TDRD9: variants seen among roughly 807,000 people sequenced by gnomAD.
The protein encoded by TDRD9 is ATP-dependent RNA helicase TDRD9.
A neutral mutation model predicts 172.6 loss-of-function variants in TDRD9; 124 were observed. That is an observed-to-expected ratio of 0.72 (90% CI 0.62 to 0.83). TDRD9 has a LOEUF of 0.83. Among genes scored for constraint, TDRD9 ranks in the 40% least tolerant of loss-of-function variants. TDRD9 has a pLI of 0.00. For missense variants in TDRD9, 1,479 were observed against 1,714.1 expected (o/e 0.86, Z 2.42); for synonymous variants, 619 against 617.1 (o/e 1.00, Z -0.05).
chr14:103,980,352 A>C lies in TDRD9; in HGVS notation c.1011+4799A>C, dbSNP rs1428638370. 6.6e-6 allele frequency among the ~76,000 whole-genome samples: 1 copy of C among 152,138 alleles called. No individual in the cohort carries two copies. Among genetic ancestry groups the C allele is most frequent in the African/African-American group, 2.4e-5 (1 of 41,432 alleles). Reference sequence around the variant, plus strand: ...GCCATCTCCAATGATAGGTAAGGTCATGTGGGTCACGTGTCGACTGGACAG... The same window carrying C: ...GCCATCTCCAATGATAGGTAAGGTCCTGTGGGTCACGTGTCGACTGGACAG... On this transcript the variant is annotated intron_variant, in intron 7 of 35. Transcript: ENST00000409874. The surrounding 1 kb of genome is among the most constrained non-coding windows in gnomAD (Gnocchi z 4.5).
Position 104,002,980 on chromosome 14 carries a change from C to T in TDRD9, c.1484-1258C>T, listed in dbSNP as rs142880516. Among the ~76,000 whole-genome samples the T allele has an allele frequency of 7.5e-3, 1,149 of 152,206 alleles. 12 individuals carry two copies. The highest frequency in any genetic ancestry group is 0.023 in the African/African-American group (972 of 41,520). On this transcript the variant is annotated intron_variant, in intron 13 of 35. Coordinates refer to ENST00000409874, the MANE Select transcript of TDRD9 (RefSeq NM_153046.3). Reference sequence around the variant, plus strand: ...TCTTTACCTCGTGATCTGCCCGCCTCGGCCTCCCAAAGTGCTGGGATTACA... The same window carrying T: ...TCTTTACCTCGTGATCTGCCCGCCTTGGCCTCCCAAAGTGCTGGGATTACA...
At chr14:103,966,584 G>T in intron 4 of TDRD9, 125 bp from the exon 5 acceptor site, 1 of 958,692 alleles carries the variant, frequency 1.0e-6, no homozygotes, top group Non-Finnish European at 1.5e-6. Context: ...CTTTTAATTT[G>T]GAGCCTGTGT....
intron 1 of TDRD9, chr14:103,941,128 T>C: frequency 6.6e-7 from 1 of 1,511,896 alleles, no homozygotes; most frequent in East Asian, 2.5e-5. Flanking sequence ...GTAATGAATA[T>C]TCAGTTTAGA....
chr14:103,977,983 T>A (rs2033323006), intron 7 of TDRD9, among the ~76,000 whole-genome samples: 1 of 152,224 alleles, frequency 6.6e-6, no homozygotes, highest in East Asian at 1.9e-4. Context: ...GCTGTAAATA[T>A]GTTATTTTAT....
intron 5 of TDRD9, among the ~76,000 whole-genome samples, chr14:103,967,797 A>G (rs8004485): frequency 6.6e-6 from 1 of 152,154 alleles, no homozygotes; most frequent in Non-Finnish European, 1.5e-5. Context: ...TTTATGACTT[A>G]TGGTAGTTTT....
chr14:103,942,831 G>T (rs537811150), intron 1 of TDRD9, among the ~76,000 whole-genome samples: 14 of 152,098 alleles, frequency 9.2e-5, no homozygotes, highest in African/African-American at 2.2e-4. Flanking sequence ...ATTCATTTTG[G>T]TTTTTTCAAA....
At chr14:103,955,511 T>G (rs1043211208) in intron 1 of TDRD9, among the ~76,000 whole-genome samples, 153 bp from the exon 2 acceptor site, 2 of 152,240 alleles carry the variant, frequency 1.3e-5, no homozygotes, top group Admixed American at 1.3e-4. Context: ...TGTTTTAATT[T>G]GCATCTGCCT....
chr14:104,005,194 C>G, intron 14 of TDRD9, 80 bp from the exon 15 acceptor site: 1 of 1,475,382 alleles, frequency 6.8e-7, no homozygotes, highest in Non-Finnish European at 9.3e-7. Flanking sequence ...TCCTCTTTCC[C>G]TCTGAAGCAC....
rs570520810 is a variant in TDRD9, at chr14:104,033,843, C to T, written c.3510-117C>T. 1.4e-4 allele frequency: 91 copies of T among 656,346 alleles called. No individual in the cohort carries two copies. The East Asian group carries it at 2.0e-3, about 15-fold the overall frequency. The allele number at this position is 656,346 out of a possible 1,614,324, so 40.7% of individuals were successfully genotyped here. On this transcript the variant is annotated intron_variant, in intron 30 of 35. Transcript: ENST00000409874. ...GAGTGGGGGGTTAAATATTTCTTCCCGTCTATCATTGCAGTTGCCCGTTTG... is the reference window on the plus strand; with the variant it reads ...GAGTGGGGGGTTAAATATTTCTTCCTGTCTATCATTGCAGTTGCCCGTTTG...
chr14:104,031,402 C>CT, intron 29 of TDRD9, 139 bp downstream of exon 29: 1 of 655,264 alleles, frequency 1.5e-6, no homozygotes. Flanking sequence ...AATTGATCCT[C>CT]TTATAATAAT....
At chr14:103,942,571 C>T (rs1038706138) in intron 1 of TDRD9, among the ~76,000 whole-genome samples, 5 of 152,174 alleles carry the variant, frequency 3.3e-5, no homozygotes, top group African/African-American at 1.2e-4. Flanking sequence ...CTGTAGGTCA[C>T]AGTTTAGTGC....
Position 104,004,276 on chromosome 14 carries a change from C to T in TDRD9, c.1522C>T (p.Leu508=), listed in dbSNP as rs751449756. 1.1e-5 allele frequency: 17 copies of T among 1,604,740 alleles called. No homozygotes were observed. The highest frequency in any genetic ancestry group is 1.4e-5 in the Non-Finnish European group (17 of 1,173,686). Residue 508 remains leucine (L), a synonymous_variant, in exon 14 of 36, where the codon CTG becomes TTG. Transcript: ENST00000409874. ...AGTGTCTAGAGGGTACTGTTACCGG[C>T]TGGTACACAAGGATTTCTGGGACAA... is the stretch of plus-strand genomic sequence containing the variant. ...GRVSRGYCYR[L]VHKDFWDNSI...
chr14:104,026,672 C>T lies in TDRD9; in HGVS notation c.3022-7C>T, dbSNP rs2035128782. Reference sequence around the variant, plus strand: ...GCTGTTTGAGCTGTGCCCTTCTGTCCTTGTAGGCTTTGGAATTTAAGATTT... The same window carrying T: ...GCTGTTTGAGCTGTGCCCTTCTGTCTTTGTAGGCTTTGGAATTTAAGATTT... On this transcript the variant is annotated splice_region_variant and splice_polypyrimidine_tract_variant and intron_variant, in intron 27 of 35. Transcript: ENST00000409874. The T allele has an allele frequency of 6.2e-7, 1 of 1,613,702 alleles. No individual in the cohort carries two copies. Among genetic ancestry groups the T allele is most frequent in the Non-Finnish European group, 8.5e-7 (1 of 1,179,722 alleles).
At chr14:103,979,018 T>C (rs561128478) in intron 7 of TDRD9, among the ~76,000 whole-genome samples, 1 of 152,346 alleles carries the variant, frequency 6.6e-6, no homozygotes, top group African/African-American at 2.4e-5. Context: ...TCCTTTTGTA[T>C]CCTTTAACAA....
intron 6 of TDRD9, among the ~76,000 whole-genome samples, chr14:103,972,872 G>T (rs1055120890): frequency 6.6e-6 from 1 of 152,216 alleles, no homozygotes; most frequent in African/African-American, 2.4e-5. Flanking sequence ...ACTATGAAAT[G>T]AATGAGAGAA....
chr14:103,992,924 C>CAAAAAAAAA (rs35212615), intron 9 of TDRD9, among the ~76,000 whole-genome samples: 3 of 58,854 alleles, frequency 5.1e-5, no homozygotes, highest in South Asian at 8.3e-4. Flanking sequence ...GACTCCATCT[C>CAAAAAAAAA]AAAAAAAAAA....
intron 10 of TDRD9, 66 bp from the exon 11 acceptor site, chr14:103,994,453 A>G: frequency 1.2e-6 from 2 of 1,603,422 alleles, no homozygotes; most frequent in Non-Finnish European, 1.7e-6. Flanking sequence ...AAATTATCTC[A>G]GTATTTATTT....
At chr14:103,952,702 T>C (rs1444677437) in intron 1 of TDRD9, among the ~76,000 whole-genome samples, 2 of 150,486 alleles carry the variant, frequency 1.3e-5, no homozygotes, top group Non-Finnish European at 3.0e-5. Context: ...TTCATTCTTA[T>C]CTTAGTGATT....
chr14:104,012,697 C>T (rs2034650541), intron 20 of TDRD9, among the ~76,000 whole-genome samples: 1 of 152,048 alleles, frequency 6.6e-6, no homozygotes. Context: ...ACATTCCTGT[C>T]TATAATTTCT....
Sources: allele counts gnomAD v4.1 joint callset (sites outside exome capture counted in the v4.1 genomes callset), GRCh38; gene constraint gnomAD v4.1.1; non-coding constraint Gnocchi (gnomAD v3.1); transcripts MANE v1.5; gene names NCBI Gene and HGNC (gene_info 2026-07-23, HGNC 2026-07-21).